PRKG1: variants seen among roughly 807,000 people sequenced by gnomAD.
The protein encoded by PRKG1 is cGMP-dependent protein kinase 1.
Under a neutral mutation model 88.1 loss-of-function variants are expected in PRKG1, and 35 were observed. The observed-to-expected ratio is 0.40, with a 90% CI of 0.30 to 0.53. The LOEUF is 0.53. PRKG1 is among the 20% of genes least tolerant of loss of function. The probability of loss-of-function intolerance (pLI) is 0.59; values close to 1 mark genes in which losing one functional copy is unlikely to be tolerated. For missense variants in PRKG1, 540 were observed against 839.8 expected (o/e 0.64, Z 4.41); for synonymous variants, 303 against 292.5 (o/e 1.04, Z -0.37).
chr10:52,294,283 A>G lies in PRKG1; in HGVS notation c.*383A>G, dbSNP rs1361956738. 6.1e-6 allele frequency: 1 copy of G among 163,308 alleles called. No homozygotes were observed. Among genetic ancestry groups the G allele is most frequent in the Non-Finnish European group, 1.3e-5 (1 of 75,212 alleles). The allele number at this position is 163,308 out of a possible 1,614,324, so 10.1% of individuals were successfully genotyped here. On this transcript the variant is annotated 3_prime_UTR_variant, in exon 18 of 18. Transcript: ENST00000373980. ...ATTCAAGAAGATGAAAGAATAATATATTGGGTACAATAGATTACTATGGTA... is the reference window on the plus strand; with the variant it reads ...ATTCAAGAAGATGAAAGAATAATATGTTGGGTACAATAGATTACTATGGTA...
At chr10:51,689,239 ACTATCTATCTATCTAT>A (rs1164074395) in intron 3 of PRKG1, among the ~76,000 whole-genome samples, 1 of 150,220 alleles carries the variant, frequency 6.7e-6, no homozygotes, top group African/African-American at 2.5e-5. Flanking sequence ...AAATCTATCT[ACTATCTATCTATCTAT>A]CTATCTATCT....
intron 1 of PRKG1, among the ~76,000 whole-genome samples, chr10:51,135,392 C>T (rs531125346): frequency 7.9e-5 from 12 of 151,892 alleles, no homozygotes; most frequent in African/African-American, 1.7e-4. Flanking sequence ...AAATGGGGCA[C>T]GGAGTAGACT....
At chr10:52,049,122 C>T (rs913571177) in intron 5 of PRKG1, among the ~76,000 whole-genome samples, 2 of 152,120 alleles carry the variant, frequency 1.3e-5, no homozygotes, top group African/African-American at 4.8e-5. Context: ...CATGCAGGAG[C>T]ATTTTGGCAG....
chr10:51,400,514 T>G (rs909330636), intron 2 of PRKG1, among the ~76,000 whole-genome samples: 1 of 152,204 alleles, frequency 6.6e-6, no homozygotes, highest in Non-Finnish European at 1.5e-5. Context: ...CAGGGTATTT[T>G]AGAGCTCCTC....
At chr10:50,999,362 C>T (rs1842864700) in intron 1 of PRKG1, among the ~76,000 whole-genome samples, 1 of 152,120 alleles carries the variant, frequency 6.6e-6, no homozygotes, top group Admixed American at 6.6e-5. Context: ...TAAGGCAAAT[C>T]CAGGAAGATG....
At chr10:51,949,609 G>A (rs1021346754) in intron 5 of PRKG1, among the ~76,000 whole-genome samples, 1 of 152,114 alleles carries the variant, frequency 6.6e-6, no homozygotes, top group Non-Finnish European at 1.5e-5. Flanking sequence ...GGAATTAAAG[G>A]TATGTTAAGG....
intron 1 of PRKG1, among the ~76,000 whole-genome samples, chr10:51,034,668 T>TTTATATATATA (rs9299454): frequency 0.032 from 2,142 of 67,990 alleles, 320 homozygotes; most frequent in East Asian, 0.055. Flanking sequence ...AATATGTTAT[T>TTTATATATATA]TATATATATA....
chr10:52,040,938 G>C (rs2133230178), intron 5 of PRKG1, among the ~76,000 whole-genome samples: 1 of 142,020 alleles, frequency 7.0e-6, no homozygotes, highest in South Asian at 2.3e-4. Context: ...CTGGGTTTAA[G>C]CAATTCTCCT....
chr10:51,957,814 C>T (rs529788388), intron 5 of PRKG1, among the ~76,000 whole-genome samples: 2 of 152,214 alleles, frequency 1.3e-5, no homozygotes, highest in East Asian at 3.9e-4. Context: ...GTAACTTCAC[C>T]TGTAATAGTG....
intron 4 of PRKG1, among the ~76,000 whole-genome samples, chr10:51,851,218 T>A (rs997273595): frequency 1.3e-5 from 2 of 152,158 alleles, no homozygotes; most frequent in African/African-American, 4.8e-5. Flanking sequence ...TTTGCTTAAA[T>A]TTGCATAAAA....
chr10:51,038,808 T>C (rs1483988139), intron 1 of PRKG1, among the ~76,000 whole-genome samples: 1 of 152,218 alleles, frequency 6.6e-6, no homozygotes, highest in Non-Finnish European at 1.5e-5. Flanking sequence ...CTTGAGGTAA[T>C]GGATACCCTA....
chr10:52,270,383 G>T (rs1417599085), intron 10 of PRKG1, among the ~76,000 whole-genome samples: 2 of 151,976 alleles, frequency 1.3e-5, no homozygotes, highest in African/African-American at 4.8e-5. Context: ...TATACCTAAA[G>T]GATTATAAAT....
intron 2 of PRKG1, among the ~76,000 whole-genome samples, chr10:51,202,934 A>C (rs1837951084): frequency 6.6e-6 from 1 of 152,254 alleles, no homozygotes; most frequent in Non-Finnish European, 1.5e-5. Context: ...CTGGCTGACT[A>C]TATAGAATAA....
chr10:52,109,111 C>A (rs545691803), intron 7 of PRKG1, among the ~76,000 whole-genome samples: 1 of 152,226 alleles, frequency 6.6e-6, no homozygotes, highest in African/African-American at 2.4e-5. Context: ...CAGGTGTGAG[C>A]CACTGCGCCA....
intron 3 of PRKG1, among the ~76,000 whole-genome samples, chr10:51,632,101 T>TC (rs997586458): frequency 6.6e-6 from 1 of 151,592 alleles, no homozygotes; most frequent in Admixed American, 6.6e-5. Flanking sequence ...AGATTTTTTT[T>TC]TTTGCAATTT....
intron 3 of PRKG1, among the ~76,000 whole-genome samples, chr10:51,483,022 T>C (rs1840413718): frequency 6.8e-6 from 1 of 148,066 alleles, no homozygotes. Flanking sequence ...TTTTTTTTTT[T>C]TTTTTTTGAG....
chr10:51,167,124 G>A (rs1032876844), intron 2 of PRKG1, among the ~76,000 whole-genome samples: 3 of 152,014 alleles, frequency 2.0e-5, no homozygotes, highest in African/African-American at 4.8e-5. Context: ...AACTGTGTAC[G>A]GAAATAAGCG....
At chr10:51,810,936 C>A (rs1015872811) in intron 4 of PRKG1, among the ~76,000 whole-genome samples, 7 of 152,118 alleles carry the variant, frequency 4.6e-5, no homozygotes, top group African/African-American at 1.7e-4. Context: ...TGCATCATCA[C>A]CTCTGTGGTC....
intron 3 of PRKG1, among the ~76,000 whole-genome samples, chr10:51,706,814 G>A (rs896260504): frequency 4.6e-5 from 7 of 152,006 alleles, no homozygotes; most frequent in African/African-American, 7.3e-5. Context: ...TTTTAAATGA[G>A]AGTAATGTCA....
Sources: gnomAD v4.1 joint callset for allele counts (sites outside exome capture counted in the v4.1 genomes callset) on GRCh38, gnomAD v4.1.1 for gene constraint, MANE v1.5 for transcripts, NCBI Gene and HGNC (gene_info 2026-07-23, HGNC 2026-07-21) for gene names.